The following CSMD1 variants were observed in gnomAD, a reference collection of about 807,000 sequenced individuals.
CSMD1 encodes CUB and sushi domain-containing protein 1.
A neutral mutation model predicts 417.5 loss-of-function variants in CSMD1; 213 were observed. That is an observed-to-expected ratio of 0.51 (90% confidence interval 0.46 to 0.57). The LOEUF is 0.57. CSMD1 is among the 20% of genes least tolerant of loss of function. The probability of loss-of-function intolerance (pLI) is 0.00; values close to 1 mark genes in which losing one functional copy is unlikely to be tolerated. For synonymous variants in CSMD1, 2,862 were observed against 1,736.8 expected (o/e 1.65, Z -16.11); for missense variants, 6,923 against 4,529.7 (o/e 1.53, Z -15.17).
chr8:3,622,645 T>C (rs1796309799), intron 7 of CSMD1, among the ~76,000 whole-genome samples: 1 of 152,184 alleles, frequency 6.6e-6, no homozygotes, highest in Non-Finnish European at 1.5e-5. Flanking sequence ...TGGTAGAAGA[T>C]AACAAAAAGT....
intron 10 of CSMD1, among the ~76,000 whole-genome samples, chr8:3,559,668 G>A (rs1329152506): frequency 6.6e-6 from 1 of 151,988 alleles, no homozygotes; most frequent in Non-Finnish European, 1.5e-5. Context: ...TTTCTGCTTC[G>A]TATTTGACTG....
intron 50 of CSMD1, among the ~76,000 whole-genome samples, chr8:3,051,260 T>C (rs1010517977): frequency 2.6e-5 from 4 of 152,212 alleles, no homozygotes; most frequent in Non-Finnish European, 5.9e-5. Context: ...TGGAATACTA[T>C]GCAGCCATAA....
chr8:3,850,444 C>T (rs1004940706), intron 5 of CSMD1, among the ~76,000 whole-genome samples: 6 of 152,154 alleles, frequency 3.9e-5, no homozygotes, highest in African/African-American at 1.4e-4. Context: ...CCTTTAATTC[C>T]AGCATTTTGG....
intron 12 of CSMD1, among the ~76,000 whole-genome samples, chr8:3,439,507 CTG>C (rs61063749): frequency 2.7e-5 from 4 of 147,176 alleles, no homozygotes; most frequent in Admixed American, 6.8e-5. Flanking sequence ...GTGTGTGTGT[CTG>C]TGTGTGTGTG....
intron 5 of CSMD1, among the ~76,000 whole-genome samples, chr8:3,863,815 A>T (rs182264747): frequency 1.3e-5 from 2 of 151,746 alleles, no homozygotes; most frequent in African/African-American, 4.9e-5. Flanking sequence ...TCTATTATTC[A>T]TGACGAAAAA....
At chr8:3,340,802 A>C (rs1439205742) in intron 23 of CSMD1, among the ~76,000 whole-genome samples, 1 of 152,214 alleles carries the variant, frequency 6.6e-6, no homozygotes, top group Non-Finnish European at 1.5e-5. Context: ...CCCACCAGAC[A>C]GTATGTTCCA....
intron 5 of CSMD1, among the ~76,000 whole-genome samples, chr8:3,831,539 ATG>A (rs1392842636): frequency 6.6e-6 from 1 of 152,114 alleles, no homozygotes; most frequent in African/African-American, 2.4e-5. Flanking sequence ...CTGGAGGAAA[ATG>A]TTGTTTTCAT....
chr8:3,375,663 T>C (rs533177188), intron 18 of CSMD1, among the ~76,000 whole-genome samples: 60 of 152,204 alleles, frequency 3.9e-4, no homozygotes, highest in African/African-American at 1.2e-3. Context: ...GGGGAGTAAA[T>C]TGGGGCAGTC....
At chr8:2,999,646 A>G (rs1807223391) in intron 53 of CSMD1, among the ~76,000 whole-genome samples, 1 of 152,102 alleles carries the variant, frequency 6.6e-6, no homozygotes, top group Non-Finnish European at 1.5e-5. Context: ...CACCCAGTTT[A>G]TCCTGTGATA....
At chr8:4,773,224 A>T (rs963838449) in intron 1 of CSMD1, among the ~76,000 whole-genome samples, 13 of 152,170 alleles carry the variant, frequency 8.5e-5, no homozygotes, top group African/African-American at 3.1e-4. Flanking sequence ...CAGCTCAAAA[A>T]GTTTCAGACT....
At chr8:3,891,292 T>C (rs1026127688) in intron 5 of CSMD1, among the ~76,000 whole-genome samples, 5 of 152,080 alleles carry the variant, frequency 3.3e-5, no homozygotes, top group Non-Finnish European at 7.4e-5. Flanking sequence ...TCAAGTGATC[T>C]ACCTGCCTCA....
chr8:4,455,929 CAAAAAAAAAAAAAAA>C (rs71207091), intron 2 of CSMD1, among the ~76,000 whole-genome samples: 53 of 11,650 alleles, frequency 4.5e-3, no homozygotes, highest in Admixed American at 9.3e-3. Context: ...ACTCCAACTC[CAAAAAAAAAAAAAAA>C]AAAAAAAAAA....
intron 1 of CSMD1, among the ~76,000 whole-genome samples, chr8:4,919,525 G>T (rs1359711110): frequency 6.6e-6 from 1 of 152,160 alleles, no homozygotes; most frequent in South Asian, 2.1e-4. Flanking sequence ...GCAGAAGTTT[G>T]CATTAGTTCC....
rs10549384 is a variant in CSMD1 at position 3,197,462 on chromosome 8, A to ATT, written c.5194+2250_5194+2251dup. The stretch of plus-strand genomic sequence containing the variant: ...ATTTTTCTATAATATAGCTCAAATA[A>ATT]TTTTTTTTTTTTTTTTTTTTTGAGA... On this transcript the variant is annotated intron_variant, in intron 33 of 69. Transcript: ENST00000635120. Among the ~76,000 whole-genome samples, 31 of 114,916 alleles carry ATT rather than the reference A, an allele frequency of 2.7e-4. No homozygotes were observed. The East Asian group carries it at 4.3e-3, about 16-fold the overall frequency. 75.4% of individuals were successfully genotyped at this position (114,916 alleles called of 152,430 possible).
chr8:3,914,487 G>C (rs905902864), intron 5 of CSMD1, among the ~76,000 whole-genome samples: 7 of 152,204 alleles, frequency 4.6e-5, no homozygotes, highest in African/African-American at 9.6e-5. Flanking sequence ...AGTAAGGACA[G>C]TGTGTGTGCA....
chr8:4,219,957 G>C (rs1647322), intron 3 of CSMD1, among the ~76,000 whole-genome samples: 7 of 151,968 alleles, frequency 4.6e-5, no homozygotes, highest in Non-Finnish European at 8.8e-5. Context: ...ATTTTTTAAT[G>C]CTTTTTTTTT....
At chr8:4,438,090 C>T (rs1370438029) in intron 2 of CSMD1, among the ~76,000 whole-genome samples, 1 of 152,126 alleles carries the variant, frequency 6.6e-6, no homozygotes, top group Non-Finnish European at 1.5e-5. Flanking sequence ...CTTTGGTTTC[C>T]AAGTTCCTGC....
At chr8:3,130,053 G>C (rs531549077) in intron 41 of CSMD1, among the ~76,000 whole-genome samples, 47 of 152,210 alleles carry the variant, frequency 3.1e-4, no homozygotes, top group African/African-American at 1.1e-3. Context: ...AGACTTGCAA[G>C]TGCTTGGTGT....
At chr8:3,807,765 T>A (rs1467155755) in intron 5 of CSMD1, among the ~76,000 whole-genome samples, 1 of 152,160 alleles carries the variant, frequency 6.6e-6, no homozygotes, top group African/African-American at 2.4e-5. Flanking sequence ...TATTTTTAGT[T>A]CTCTCTCTGA....
Sources: gnomAD v4.1 joint callset for allele counts (sites outside exome capture counted in the v4.1 genomes callset) on GRCh38, gnomAD v4.1.1 for gene constraint, MANE v1.5 for transcripts, NCBI Gene and HGNC (gene_info 2026-07-23, HGNC 2026-07-21) for gene names.